The following COL19A1 variants were observed in gnomAD, a reference collection of about 807,000 sequenced individuals.
COL19A1 encodes collagen type XIX alpha 1 chain.
In COL19A1, 159 loss-of-function variants were observed where a neutral mutation model predicts 190.2. The ratio of observed to expected loss-of-function variants is 0.84; its 90% confidence interval spans 0.73 to 0.95. The LOEUF is 0.95. Ranked by LOEUF, COL19A1 falls within the 40% of genes least tolerant of loss-of-function variation. The pLI, the probability that COL19A1 is intolerant of heterozygous loss-of-function variation, is 0.00. For missense variants in COL19A1, 1,418 were observed against 1,431.9 expected, an observed-to-expected ratio of 0.99 and a Z score of 0.16; for synonymous variants, 509 against 458.9, an observed-to-expected ratio of 1.11 and a Z score of -1.39.
chr6:70,156,885 A>G (rs1165184528), intron 34 of COL19A1, among the ~76,000 whole-genome samples, 162 bp downstream of exon 34: 1 of 152,146 alleles, frequency 6.6e-6, no homozygotes, highest in Non-Finnish European at 1.5e-5. Context: ...TTTAAATAAC[A>G]TATTTATGTT....
intron 14 of COL19A1, among the ~76,000 whole-genome samples, chr6:70,040,090 T>A (rs775895809): frequency 2.0e-5 from 3 of 152,162 alleles, no homozygotes; most frequent in Non-Finnish European, 2.9e-5. Flanking sequence ...TGCTGTTATT[T>A]TTGTGTCCCT....
chr6:70,047,880 G>A (rs562236813), intron 14 of COL19A1, among the ~76,000 whole-genome samples: 5 of 152,202 alleles, frequency 3.3e-5, no homozygotes, highest in Non-Finnish European at 5.9e-5. Flanking sequence ...TGCATGTCAT[G>A]TCAGAGGAGA....
At chr6:70,133,265 C>CTT (rs775012854) in intron 18 of COL19A1, among the ~76,000 whole-genome samples, 6 of 152,174 alleles carry the variant, frequency 3.9e-5, no homozygotes, top group Non-Finnish European at 5.9e-5. Flanking sequence ...AATAGAATTA[C>CTT]TAAAAGAGCC....
chr6:69,883,160 T>C (rs1057347912), intron 2 of COL19A1, among the ~76,000 whole-genome samples: 3 of 152,172 alleles, frequency 2.0e-5, no homozygotes, highest in Non-Finnish European at 4.4e-5. Flanking sequence ...GCTTGGCATG[T>C]GGAAGAAATA....
At chr6:69,936,548 C>T (rs111885490) in intron 7 of COL19A1, among the ~76,000 whole-genome samples, 2,329 of 152,120 alleles carry the variant, frequency 0.015, 63 homozygotes, top group African/African-American at 0.047. Context: ...TAATTCCTTA[C>T]CAAGACCATT....
intron 14 of COL19A1, among the ~76,000 whole-genome samples, chr6:70,055,198 A>G (rs1780421438): frequency 6.6e-6 from 1 of 152,192 alleles, no homozygotes; most frequent in Non-Finnish European, 1.5e-5. Flanking sequence ...ATAAGATTGG[A>G]AGTGGTCAAA....
At position 69,982,505 on chromosome 6, in the gene COL19A1, C is replaced by A. The variant is rs74718185; in HGVS notation, c.1026+19635C>A. Among the ~76,000 whole-genome samples, 181 of 151,944 alleles carry A rather than the reference C, an allele frequency of 1.2e-3. 4 individuals are homozygous for A. In the East Asian group the frequency reaches 0.032, roughly 27 times the overall value. On this transcript the variant is annotated intron_variant, in intron 11 of 50. Coordinates refer to ENST00000620364, the MANE Select transcript of COL19A1 (RefSeq NM_001858.6). Reference sequence around the variant, plus strand: ...CCACCTGCCTCGGCCTCCCACAGTGCTGGGATTACAGGGGTGAGCCACTGC... The same window carrying A: ...CCACCTGCCTCGGCCTCCCACAGTGATGGGATTACAGGGGTGAGCCACTGC...
rs146607731 is a variant in COL19A1 at position 70,190,683 on chromosome 6, T to C, written c.3094+302T>C. On this transcript the variant is annotated intron_variant, in intron 48 of 50. Coordinates refer to ENST00000620364, the MANE Select transcript of COL19A1 (RefSeq NM_001858.6). Reference sequence around the variant, plus strand: ...CAATATCCCTCATACTCCTCCTTAGTTTTCTCTTTTATGGAGTAAATGTGT... The same window carrying C: ...CAATATCCCTCATACTCCTCCTTAGCTTTCTCTTTTATGGAGTAAATGTGT... 1.6e-3 allele frequency among the ~76,000 whole-genome samples: 241 copies of C among 152,318 alleles called. No individual in the cohort carries two copies. The Middle Eastern group carries it at 0.02, about 13-fold the overall frequency.
chr6:70,142,851 T>A, intron 23 of COL19A1, 31 bp downstream of exon 23: 1 of 1,588,660 alleles, frequency 6.3e-7, no homozygotes, highest in Non-Finnish European at 8.6e-7. Flanking sequence ...ATTTCTGGAA[T>A]TGAAATTGAG....
chr6:70,175,195 G>A (rs1765730706), intron 41 of COL19A1, among the ~76,000 whole-genome samples: 1 of 151,986 alleles, frequency 6.6e-6, no homozygotes, highest in African/African-American at 2.4e-5. Context: ...TGCTCCATAC[G>A]TTAAAGACAT....
chr6:70,019,886 A>C (rs572380610), intron 11 of COL19A1, among the ~76,000 whole-genome samples: 1 of 152,132 alleles, frequency 6.6e-6, no homozygotes, highest in Admixed American at 6.5e-5. Context: ...TTCTCAGTGG[A>C]GAAAAAAGGA....
chr6:69,891,842 T>C (rs1002644283), intron 2 of COL19A1, among the ~76,000 whole-genome samples: 4 of 152,208 alleles, frequency 2.6e-5, no homozygotes, highest in African/African-American at 9.6e-5. Context: ...CCACACATGC[T>C]CACCTGCACT....
chr6:69,909,726 A>C (rs1197992857), intron 4 of COL19A1, among the ~76,000 whole-genome samples: 2 of 152,172 alleles, frequency 1.3e-5, no homozygotes, highest in Non-Finnish European at 2.9e-5. Flanking sequence ...CAAACATTAC[A>C]TAAGCCCCTG....
chr6:70,016,568 TAAA>T, intron 11 of COL19A1, among the ~76,000 whole-genome samples: 1 of 151,622 alleles, frequency 6.6e-6, no homozygotes, highest in Non-Finnish European at 1.5e-5. Context: ...TTTTTAAATT[TAAA>T]AATATTATTT....
chr6:69,955,744 T>C (rs1774384435), intron 9 of COL19A1, among the ~76,000 whole-genome samples: 1 of 151,862 alleles, frequency 6.6e-6, no homozygotes, highest in Non-Finnish European at 1.5e-5. Context: ...ATTTGAAAAA[T>C]GAGTGGTTTA....
intron 44 of COL19A1, among the ~76,000 whole-genome samples, chr6:70,183,382 A>G (rs936410126): frequency 6.6e-6 from 1 of 152,210 alleles, no homozygotes; most frequent in Non-Finnish European, 1.5e-5. Context: ...CTGTGGATAG[A>G]AAGTAACACC....
chr6:69,978,381 C>CA (rs953474315), intron 11 of COL19A1, among the ~76,000 whole-genome samples: 4 of 150,616 alleles, frequency 2.7e-5, no homozygotes, highest in Admixed American at 6.6e-5. Flanking sequence ...ATTCTTTGGA[C>CA]AAAAAAAATA....
In COL19A1 at chr6:70,144,228, G is replaced by A; in HGVS notation, c.1645G>A (p.Gly549Ser). The A allele has an allele frequency of 6.2e-7, 1 of 1,612,288 alleles. No homozygotes were observed. Among genetic ancestry groups the A allele is most frequent in the Non-Finnish European group, 8.5e-7 (1 of 1,178,816 alleles). ...PGDVGLPGEH[G>S]IPGKQGIKGE... ...TTTCTAGGGATTGCCAGGAGAACAT[G>A]GTATCCCAGGAAAACAAGGCATTAA... is the stretch of plus-strand genomic sequence containing the variant. The change falls in exon 24 of 51, where the codon GGT becomes AGT. Residue 549 changes from glycine (G) to serine (S), a missense_variant. Gly to Ser is a moderately conservative substitution (Grantham distance 56). Coordinates refer to ENST00000620364, the MANE Select transcript of COL19A1 (RefSeq NM_001858.6).
intron 1 of COL19A1, among the ~76,000 whole-genome samples, chr6:69,871,625 T>C (rs1214907698): frequency 6.6e-6 from 1 of 152,186 alleles, no homozygotes; most frequent in Non-Finnish European, 1.5e-5. Flanking sequence ...ATTTTCTATT[T>C]TGGTGTTGGC....
Sources: gnomAD v4.1 joint callset for allele counts (sites outside exome capture counted in the v4.1 genomes callset) on GRCh38, gnomAD v4.1.1 for gene constraint, MANE v1.5 for transcripts, NCBI Gene and HGNC (gene_info 2026-07-23, HGNC 2026-07-21) for gene names.